NLGN4Y: variants seen among roughly 807,000 people sequenced by gnomAD.
NLGN4Y encodes neuroligin-4, Y-linked.
In NLGN4Y, 4 loss-of-function variants were observed where a neutral mutation model predicts 8.4. That is an observed-to-expected ratio of 0.48 (90% CI 0.23 to 1.09). NLGN4Y has a LOEUF of 1.09. NLGN4Y is among the 50% of genes least tolerant of loss of function. The pLI, the probability that NLGN4Y is intolerant of heterozygous loss-of-function variation, is 0.19. For synonymous variants in NLGN4Y, 35 were observed against 75.6 expected, an observed-to-expected ratio of 0.46 and a Z score of 2.78; for missense variants, 90 against 192.3, an observed-to-expected ratio of 0.47 and a Z score of 3.15.
At chrY:14,612,292 AGTTT>A (rs2080472687) in intron 1 of NLGN4Y, among the ~76,000 whole-genome samples, 1 of 33,590 alleles carries the variant, frequency 3.0e-5, no homozygotes, top group Non-Finnish European at 7.3e-5. Context: ...TACTTCAGTC[AGTTT>A]GTCAAACTCA....
rs2080355873 is a variant in NLGN4Y at position 14,589,417 on chromosome Y, T to C, written c.-111-32592T>C. Among the ~76,000 whole-genome samples, 7 of 30,470 alleles carry C rather than the reference T, an allele frequency of 2.3e-4. No individual in the cohort carries two copies. The South Asian group carries it at 5.8e-3, about 25-fold the overall frequency. The allele number at this position is 30,470 out of a possible 37,273, so 81.7% of individuals were successfully genotyped here. ...GATACAGAGTGCCGATTGGTGTATT[T>C]ACAATCCCTGAGCTAGACATAAAGG... On this transcript the variant is annotated intron_variant, in intron 1 of 6. Transcript: ENST00000684976.
chrY:14,536,367 C>G, intron 1 of NLGN4Y, among the ~76,000 whole-genome samples: 1 of 28,255 alleles, frequency 3.5e-5, no homozygotes, highest in Non-Finnish European at 8.2e-5. Context: ...CTGCCTCAGC[C>G]TCCTGAGTAG....
intron 2 of NLGN4Y, among the ~76,000 whole-genome samples, chrY:14,624,402 C>T: frequency 1.2e-4 from 4 of 33,212 alleles, no homozygotes; most frequent in South Asian, 6.9e-4. Context: ...ACAGGGTGGA[C>T]GTTTCATTGT....
At chrY:14,613,212 A>G in intron 1 of NLGN4Y, among the ~76,000 whole-genome samples, 3 of 32,804 alleles carry the variant, frequency 9.1e-5, no homozygotes, top group Non-Finnish European at 1.5e-4. Context: ...AAGCCATTGG[A>G]TCTTAGCTTA....
intron 1 of NLGN4Y, among the ~76,000 whole-genome samples, chrY:14,584,205 G>A: frequency 3.0e-5 from 1 of 33,576 alleles, no homozygotes; most frequent in Non-Finnish European, 7.4e-5. Flanking sequence ...AGGGCTCACT[G>A]CAACTTCCCT....
intron 4 of NLGN4Y, among the ~76,000 whole-genome samples, chrY:14,786,422 C>T: frequency 3.0e-5 from 1 of 32,825 alleles, no homozygotes; most frequent in African/African-American, 1.2e-4. Context: ...TGCAGAATCA[C>T]GGGGTTTTCT....
intron 2 of NLGN4Y, among the ~76,000 whole-genome samples, chrY:14,690,602 A>T (rs769879101): frequency 3.1e-5 from 1 of 32,410 alleles, no homozygotes; most frequent in Non-Finnish European, 7.5e-5. Context: ...AGTTGTCCTC[A>T]TTTTGGGTCA....
chrY:14,692,041 C>T (rs760344202), intron 2 of NLGN4Y, among the ~76,000 whole-genome samples: 2 of 31,950 alleles, frequency 6.3e-5, no homozygotes, highest in Admixed American at 2.9e-4. Context: ...AGTTCTGTAT[C>T]ACCTTCCCTT....
intron 1 of NLGN4Y, among the ~76,000 whole-genome samples, chrY:14,618,027 G>T (rs1035908607): frequency 1.3e-4 from 4 of 29,710 alleles, no homozygotes; most frequent in Non-Finnish European, 2.4e-4. Context: ...AGCTTGCTGG[G>T]CTCCATGAGG....
chrY:14,798,943 G>C (rs2150582650), intron 4 of NLGN4Y, among the ~76,000 whole-genome samples: 2 of 33,928 alleles, frequency 5.9e-5, no homozygotes, highest in South Asian at 6.5e-4. Context: ...TGCAAGGAAG[G>C]CTTCTTATTT....
At chrY:14,534,215 G>A (rs779331725) in intron 1 of NLGN4Y, among the ~76,000 whole-genome samples, 2 of 33,682 alleles carry the variant, frequency 5.9e-5, no homozygotes, top group East Asian at 1.5e-3. Context: ...CAACAAACAT[G>A]TGAAAAAAAG....
chrY:14,751,938 G>A (rs2081043111), intron 4 of NLGN4Y: 1 of 32,928 alleles, frequency 3.0e-5, no homozygotes, highest in African/African-American at 1.2e-4. Context: ...GATTACAGGT[G>A]TAAGCCACCT....
At chrY:14,560,731 G>C in intron 1 of NLGN4Y, among the ~76,000 whole-genome samples, 1 of 33,586 alleles carries the variant, frequency 3.0e-5, no homozygotes, top group Non-Finnish European at 7.4e-5. Context: ...TGATGTGAAA[G>C]AAAATTACAT....
Position 14,622,470 on chromosome Y carries a change from A to G in NLGN4Y, c.351A>G (p.Arg117=). 2.5e-6 allele frequency: 1 copy of G among 399,070 alleles called. No homozygotes were observed. The highest frequency in any genetic ancestry group is 3.5e-6 in the Non-Finnish European group (1 of 283,577). ...SAVCPQHLDE[R]FLLHDMLPIW... is the part of the protein sequence containing the mutation. ...TGTGCCCCCAGCACCTGGATGAAAG[A>G]TTCTTATTGCATGACATGCTGCCCA... Residue 117 remains arginine, a synonymous_variant, in exon 2 of 7, where the codon AGA becomes AGG. Transcript: ENST00000684976.
intron 1 of NLGN4Y, among the ~76,000 whole-genome samples, chrY:14,576,481 G>A (rs2080299544): frequency 3.0e-5 from 1 of 32,897 alleles, no homozygotes; most frequent in African/African-American, 1.2e-4. Flanking sequence ...TTCCAGGTGC[G>A]GTCTGTCATC....
Position 14,842,507 on chromosome Y carries a change from C to A in NLGN4Y, c.*1245C>A. The A allele has an allele frequency of 8.2e-6, 1 of 121,997 alleles. No individual in the cohort carries two copies. The highest frequency in any genetic ancestry group is 1.8e-5 in the Non-Finnish European group (1 of 56,191). 30.4% of individuals were successfully genotyped at this position (121,997 alleles called of 400,897 possible). A position where few individuals can be genotyped will look rare whatever the true frequency, so the allele number is the denominator to read the frequency against. ...GCCGGAGGATTTGGCTGATGAAGTA[C>A]CTGCTCAGCTTAGCTAATCAGATTA... On this transcript the variant is annotated 3_prime_UTR_variant, in exon 7 of 7. Coordinates refer to ENST00000684976, the MANE Select transcript of NLGN4Y (RefSeq NM_001365588.1).
intron 1 of NLGN4Y, among the ~76,000 whole-genome samples, chrY:14,530,338 A>C: frequency 6.3e-5 from 2 of 31,614 alleles, no homozygotes; most frequent in African/African-American, 1.2e-4. Flanking sequence ...AAAAAATAAA[A>C]ATAGAAAATT....
At chrY:14,708,336 A>T in intron 2 of NLGN4Y, among the ~76,000 whole-genome samples, 1 of 33,295 alleles carries the variant, frequency 3.0e-5, no homozygotes, top group Non-Finnish European at 7.4e-5. Flanking sequence ...CAAGCCAAAA[A>T]TATGTGATTC....
intron 6 of NLGN4Y, among the ~76,000 whole-genome samples, chrY:14,832,081 A>C (rs952728675): frequency 1.5e-4 from 5 of 34,443 alleles, no homozygotes; most frequent in African/African-American, 5.6e-4. Flanking sequence ...GAGTTTCTTT[A>C]AACTGAATAG....
Sources: gnomAD v4.1 joint callset for allele counts (sites outside exome capture counted in the v4.1 genomes callset) on GRCh38, gnomAD v4.1.1 for gene constraint, MANE v1.5 for transcripts, NCBI Gene and HGNC (gene_info 2026-07-23, HGNC 2026-07-21) for gene names.